The following SHISAL2A variants were observed in gnomAD, a reference collection of about 807,000 sequenced individuals.
The protein encoded by SHISAL2A is protein shisa-like-2A.
A neutral mutation model predicts 11.5 loss-of-function variants in SHISAL2A; 18 were observed. The ratio of observed to expected loss-of-function variants is 1.57; its 90% CI spans 1.08 to 2.33. The LOEUF is 2.33. Ranked by LOEUF, SHISAL2A falls within the 30% of genes most tolerant of loss-of-function variation. The pLI is 0.00. For missense variants in SHISAL2A, 261 were observed against 250.9 expected (o/e 1.04, Z -0.27); for synonymous variants, 94 against 99.6 (o/e 0.94, Z 0.34).
chr1:52,666,664 G>A (rs1415075651), intron 4 of SHISAL2A, among the ~76,000 whole-genome samples: 1 of 151,878 alleles, frequency 6.6e-6, no homozygotes, highest in African/African-American at 2.4e-5. Context: ...TGGGGTTTAC[G>A]CTGTACCAGT....
At chr1:52,662,555 T>G (rs966343664) in intron 4 of SHISAL2A, among the ~76,000 whole-genome samples, 5 of 151,478 alleles carry the variant, frequency 3.3e-5, no homozygotes, top group Non-Finnish European at 7.4e-5. Context: ...TTTACCGTGT[T>G]GGCCAGGCTG....
intron 1 of SHISAL2A, among the ~76,000 whole-genome samples, chr1:52,640,413 A>G (rs1307110998): frequency 6.6e-6 from 1 of 152,150 alleles, no homozygotes; most frequent in African/African-American, 2.4e-5. Context: ...ACCAAAGGAT[A>G]TTTACCAACT....
chr1:52,633,013 G>A (rs74443674), upstream of SHISAL2A, among the ~76,000 whole-genome samples: 13,664 of 152,058 alleles, frequency 0.09, 707 homozygotes, highest in Non-Finnish European at 0.11. The surrounding 1 kb of genome is among the most constrained non-coding windows in gnomAD (Gnocchi z 6.4). Context: ...CGAATGCCCC[G>A]AGACTCCCGG....
intron 1 of SHISAL2A, among the ~76,000 whole-genome samples, chr1:52,641,684 G>A (rs956917592): frequency 1.3e-5 from 2 of 152,124 alleles, no homozygotes; most frequent in Admixed American, 1.3e-4. Flanking sequence ...GCTCATGCTT[G>A]TAATCCCAAC....
chr1:52,633,791 T>TA lies in SHISAL2A; in HGVS notation c.182+117dup. The TA allele has an allele frequency of 1.2e-6, 1 of 805,726 alleles. No homozygotes were observed. Among genetic ancestry groups the TA allele is most frequent in the Non-Finnish European group, 2.0e-6 (1 of 503,896 alleles). The allele number at this position is 805,726 out of a possible 1,614,324, so 49.9% of individuals were successfully genotyped here. A position where few individuals can be genotyped will look rare whatever the true frequency, so the allele number is the denominator to read the frequency against. On this transcript the variant is annotated intron_variant, in intron 1 of 2. Transcript: ENST00000517870. This position sits in a 1 kb window ranked among gnomAD's most constrained non-coding sequence, Gnocchi z 6.4. The stretch of plus-strand genomic sequence containing the variant: ...AACATCAGCAGCAAGCTCTAGTCCT[T>TA]ACCGTCCTCATGCCCACAGCATCAA...
At chr1:52,635,788 G>A (rs949901404) in intron 1 of SHISAL2A, among the ~76,000 whole-genome samples, 1 of 152,172 alleles carries the variant, frequency 6.6e-6, no homozygotes, top group African/African-American at 2.4e-5. Context: ...GGAAGGGGCT[G>A]TTATCATCTT....
chr1:52,656,960 A>G lies in SHISAL2A; in HGVS notation c.493A>G (p.Thr165Ala). Residue 165 changes from threonine (T) to alanine (A), a missense_variant, in exon 3 of 3, where the codon ACA (threonine) becomes GCA (alanine). Thr to Ala is a moderately conservative substitution (Grantham distance 58, BLOSUM62 0). Transcript: ENST00000517870. The part of the protein sequence containing the change: ...KRLLHHCFMA[T>A]VTTSDIPGSP... The stretch of plus-strand genomic sequence containing the variant: ...CCTCCTCCATCATTGCTTCATGGCC[A>G]CAGTGACCACCAGTGACATTCCAGG... 1.9e-6 allele frequency: 3 copies of G among 1,614,226 alleles called. No homozygotes were observed. The highest frequency in any genetic ancestry group is 1.7e-6 in the Non-Finnish European group (2 of 1,180,040).
intron 2 of SHISAL2A, among the ~76,000 whole-genome samples, chr1:52,654,595 A>G (rs1691749956): frequency 6.6e-6 from 1 of 152,230 alleles, no homozygotes; most frequent in Non-Finnish European, 1.5e-5. Flanking sequence ...CTAAACTTCC[A>G]TAAGTAAAAA....
chr1:52,658,769 G>A (rs760690047), downstream of SHISAL2A, among the ~76,000 whole-genome samples: 4 of 152,218 alleles, frequency 2.6e-5, no homozygotes, highest in South Asian at 2.1e-4. Context: ...TTTAGGCTTC[G>A]CCTTCGGAAT....
At chr1:52,653,489 C>T (rs767451171) in intron 2 of SHISAL2A, among the ~76,000 whole-genome samples, 14 of 151,308 alleles carry the variant, frequency 9.3e-5, no homozygotes, top group Non-Finnish European at 1.5e-4. Flanking sequence ...AATGCTTAGC[C>T]GGGCATGATG....
chr1:52,661,074 AC>A (rs1333457584), downstream of SHISAL2A, among the ~76,000 whole-genome samples: 1 of 152,222 alleles, frequency 6.6e-6, no homozygotes, highest in Non-Finnish European at 1.5e-5. Flanking sequence ...CTTTCAGGTA[AC>A]AATAAGTAGT....
chr1:52,662,376 G>A (rs1002048060), intron 4 of SHISAL2A, among the ~76,000 whole-genome samples: 2 of 151,540 alleles, frequency 1.3e-5, no homozygotes, highest in Non-Finnish European at 2.9e-5. Context: ...ACAGAGTCTT[G>A]CTCTGTCACC....
At chr1:52,658,445 C>T (rs75473123), downstream of SHISAL2A, among the ~76,000 whole-genome samples, 5 of 152,110 alleles carry the variant, frequency 3.3e-5, no homozygotes, top group Admixed American at 6.5e-5. Flanking sequence ...TAATACTGAA[C>T]AACTCTGGAG....
chr1:52,650,913 G>A (rs1018458851), intron 2 of SHISAL2A, among the ~76,000 whole-genome samples: 1 of 150,852 alleles, frequency 6.6e-6, no homozygotes, highest in African/African-American at 2.4e-5. Context: ...CCAAAGTGCT[G>A]GAATTACAGG....
rs141726101 is a variant in SHISAL2A, at chr1:52,643,850, CAGAAAGAA to C, written c.322+864_322+871del. Among the ~76,000 whole-genome samples the C allele has an allele frequency of 6.2e-4, 84 of 135,188 alleles. 1 individual carries two copies. In the South Asian group the frequency reaches 0.018, roughly 29 times the overall value. The allele number at this position is 135,188 out of a possible 152,430, so 88.7% of individuals were successfully genotyped here. A position where few individuals can be genotyped will look rare whatever the true frequency, so the allele number is the denominator to read the frequency against. ...CCTGGGCGACAGAGTGAGACTGTCT[CAGAAAGAA>C]AGAAAGAAAGAAAGAGAGAAAGAGA... On this transcript the variant is annotated intron_variant, in intron 2 of 2. Transcript: ENST00000517870.
At chr1:52,652,705 C>T (rs1273952556) in intron 2 of SHISAL2A, among the ~76,000 whole-genome samples, 3 of 152,040 alleles carry the variant, frequency 2.0e-5, no homozygotes, top group East Asian at 3.8e-4. Context: ...GTGGCTCACA[C>T]CTGTAATCCC....
intron 2 of SHISAL2A, among the ~76,000 whole-genome samples, chr1:52,643,358 A>T (rs1006825456): frequency 1.3e-5 from 2 of 152,256 alleles, no homozygotes; most frequent in Non-Finnish European, 2.9e-5. Flanking sequence ...TGCTGCTTCC[A>T]AACTCATAAT....
chr1:52,665,536 C>T (rs1162793782), intron 4 of SHISAL2A, among the ~76,000 whole-genome samples: 1 of 152,192 alleles, frequency 6.6e-6, no homozygotes, highest in African/African-American at 2.4e-5. Context: ...AACCAGCCCT[C>T]CCTGGGGCCT....
intron 2 of SHISAL2A, among the ~76,000 whole-genome samples, chr1:52,655,852 C>T (rs896466556): frequency 4.6e-5 from 7 of 152,078 alleles, no homozygotes; most frequent in African/African-American, 9.7e-5. Flanking sequence ...GCATGGAGGA[C>T]GTGATGGAGG....
Sources: gnomAD v4.1 joint callset for allele counts (sites outside exome capture counted in the v4.1 genomes callset) on GRCh38, gnomAD v4.1.1 for gene constraint, Gnocchi (gnomAD v3.1) non-coding constraint, MANE v1.5 for transcripts, NCBI Gene and HGNC (gene_info 2026-07-23, HGNC 2026-07-21) for gene names.